The following SLC12A8 variants were observed in gnomAD, a reference collection of about 807,000 sequenced individuals.
SLC12A8 encodes cation-chloride cotransporter 9.
In SLC12A8, 69 loss-of-function variants were observed where a neutral mutation model predicts 75.6. The ratio of observed to expected loss-of-function variants is 0.91; its 90% confidence interval spans 0.75 to 1.11. SLC12A8 has a LOEUF of 1.11. Ranked by LOEUF, SLC12A8 falls within the 50% of genes most tolerant of loss-of-function variation. SLC12A8 has a pLI of 0.00. For missense variants in SLC12A8, 877 were observed against 896.7 expected (o/e 0.98, Z 0.28); for synonymous variants, 365 against 372.8 (o/e 0.98, Z 0.24).
chr3:125,197,555 G>T (rs1935030969), intron 2 of SLC12A8, among the ~76,000 whole-genome samples: 1 of 152,184 alleles, frequency 6.6e-6, no homozygotes, highest in Admixed American at 6.5e-5. Context: ...GCCCTGCAGA[G>T]TGCTGGGATT....
intron 2 of SLC12A8, among the ~76,000 whole-genome samples, chr3:125,197,085 A>G (rs917118649): frequency 6.6e-6 from 1 of 152,200 alleles, no homozygotes; most frequent in Admixed American, 6.5e-5. Flanking sequence ...AACGTACAAA[A>G]TGAGTCTGGA....
In SLC12A8 at chr3:125,120,703, TG is replaced by T. The variant is rs772462458; in HGVS notation, c.737-18del. 2 of 1,602,030 alleles carry T rather than the reference TG, an allele frequency of 1.2e-6. No individual in the cohort carries two copies. Among genetic ancestry groups the T allele is most frequent in the Non-Finnish European group, 1.7e-6 (2 of 1,170,032 alleles). On this transcript the variant is annotated intron_variant, in intron 6 of 13. Transcript: ENST00000469902. ...CCATGACTCCTGAAAGACACCCAGATGGGGAATGGGGTGAGCAGCCTCCTCC... is the reference window on the plus strand; with the variant it reads ...CCATGACTCCTGAAAGACACCCAGATGGGAATGGGGTGAGCAGCCTCCTCC...
At chr3:125,156,393 T>C (rs2107775055) in intron 5 of SLC12A8, among the ~76,000 whole-genome samples, 1 of 152,330 alleles carries the variant, frequency 6.6e-6, no homozygotes, top group South Asian at 2.1e-4. Context: ...GGTCTATGTG[T>C]GCACCCACTC....
intron 5 of SLC12A8, among the ~76,000 whole-genome samples, chr3:125,165,959 A>C (rs1171619516): frequency 6.6e-6 from 1 of 152,128 alleles, no homozygotes; most frequent in African/African-American, 2.4e-5. Context: ...GTATGTTTGG[A>C]ATTTTGTCAG....
chr3:125,185,038 T>C (rs1934743153), intron 4 of SLC12A8, among the ~76,000 whole-genome samples: 1 of 109,422 alleles, frequency 9.1e-6, no homozygotes, highest in East Asian at 2.2e-4. Flanking sequence ...GACAAATTCA[T>C]GGCCGAGCAC....
At chr3:125,102,354 G>A (rs1293143166) in intron 10 of SLC12A8, among the ~76,000 whole-genome samples, 2 of 152,208 alleles carry the variant, frequency 1.3e-5, no homozygotes, top group Non-Finnish European at 2.9e-5. Flanking sequence ...TGCATGGGTT[G>A]TCATGAGAAG....
intron 5 of SLC12A8, among the ~76,000 whole-genome samples, chr3:125,164,531 AT>A (rs1358306344): frequency 6.6e-6 from 1 of 152,214 alleles, no homozygotes; most frequent in African/African-American, 2.4e-5. Flanking sequence ...CGAGTGGGAA[AT>A]GCAGGAGGAA....
chr3:125,187,099 TTCAGAGCCCCAACCTGCTCGTC>T lies in SLC12A8; in HGVS notation c.390+116_390+137del, dbSNP rs552493936. 9.2e-3 allele frequency: 7,580 copies of T among 822,418 alleles called. 44 individuals are homozygous for T. The highest frequency in any genetic ancestry group is 0.012 in the Non-Finnish European group (6,463 of 518,198). The allele number at this position is 822,418 out of a possible 1,614,324, so 50.9% of individuals were successfully genotyped here. A position where few individuals can be genotyped will look rare whatever the true frequency, so the allele number is the denominator to read the frequency against. On this transcript the variant is annotated intron_variant, in intron 4 of 13. Coordinates refer to ENST00000469902, the MANE Select transcript of SLC12A8 (RefSeq NM_024628.6). ...TGACTTGACTCTCTGCTGAATTCCC[TTCAGAGCCCCAACCTGCTCGTC>T]TGTCACATGCGGCAATTGTCCCCAC...
At position 125,083,736 on chromosome 3, in the gene SLC12A8, A is replaced by T; in HGVS notation, c.*154T>A. 4 of 744,690 alleles carry T rather than the reference A, an allele frequency of 5.4e-6. No individual in the cohort carries two copies. Among genetic ancestry groups the T allele is most frequent in the Non-Finnish European group, 8.2e-6 (4 of 490,642 alleles). 46.1% of individuals were successfully genotyped at this position (744,690 alleles called of 1,614,324 possible). A position where few individuals can be genotyped will look rare whatever the true frequency, so the allele number is the denominator to read the frequency against. On this transcript the variant is annotated 3_prime_UTR_variant, in exon 14 of 14. Transcript: ENST00000469902. ...GACTCTGTCTCAAAAAAAAAAAAAAAGGGAAAAGAAAATGTAGATTTCCAT... is the reference window on the plus strand; with the variant it reads ...GACTCTGTCTCAAAAAAAAAAAAAATGGGAAAAGAAAATGTAGATTTCCAT...
At chr3:125,178,681 C>T (rs982118929) in intron 4 of SLC12A8, among the ~76,000 whole-genome samples, 3 of 152,168 alleles carry the variant, frequency 2.0e-5, no homozygotes, top group African/African-American at 7.2e-5. Flanking sequence ...TCCTGTAAGA[C>T]ATTAACTGAT....
chr3:125,182,508 ATT>A (rs767466114), intron 4 of SLC12A8, among the ~76,000 whole-genome samples: 21 of 139,900 alleles, frequency 1.5e-4, no homozygotes, highest in Non-Finnish European at 1.3e-4. Flanking sequence ...ATTTGTCCCC[ATT>A]TTTTTTTTTT....
chr3:125,188,650 A>G (rs1204394672), intron 3 of SLC12A8, among the ~76,000 whole-genome samples: 1 of 152,104 alleles, frequency 6.6e-6, no homozygotes, highest in East Asian at 1.9e-4. Flanking sequence ...AGCAAGGAAG[A>G]CTCCTGATAG....
At chr3:125,194,982 G>A (rs1323624029) in intron 2 of SLC12A8, among the ~76,000 whole-genome samples, 1 of 152,240 alleles carries the variant, frequency 6.6e-6, no homozygotes, top group Non-Finnish European at 1.5e-5. Context: ...GCTGGGCCGG[G>A]CGCCAGCATG....
At chr3:125,194,509 T>TG (rs1218729201) in intron 2 of SLC12A8, among the ~76,000 whole-genome samples, 1 of 152,192 alleles carries the variant, frequency 6.6e-6, no homozygotes, top group Non-Finnish European at 1.5e-5. Context: ...CTCTCAATCC[T>TG]GCATCCAGCA....
At position 125,137,123 on chromosome 3, in the gene SLC12A8, C is replaced by G. The variant is rs927089821; in HGVS notation, c.623-1341G>C. ...CCACCCGCTCGGAGCTTAATTACAG[C>G]CCAAGCTTCCATCCACAAAAGAAGG... On this transcript the variant is annotated intron_variant, in intron 5 of 13. Transcript: ENST00000469902. 2.0e-5 allele frequency among the ~76,000 whole-genome samples: 3 copies of G among 152,182 alleles called. No individual in the cohort carries two copies. The East Asian group carries it at 5.8e-4, about 29-fold the overall frequency.
chr3:125,178,441 CA>C (rs984027019), intron 4 of SLC12A8, among the ~76,000 whole-genome samples: 41 of 146,892 alleles, frequency 2.8e-4, no homozygotes, highest in African/African-American at 8.5e-4. Flanking sequence ...TAAAACTTAG[CA>C]AAAAAAAAAG....
chr3:125,192,061 G>C (rs1934918846), intron 2 of SLC12A8, among the ~76,000 whole-genome samples: 2 of 152,108 alleles, frequency 1.3e-5, no homozygotes, highest in South Asian at 4.1e-4. Context: ...TGTTTCCCAG[G>C]ATCCTCATCT....
chr3:125,176,072 AACATTTTTCT>A (rs63165861), intron 5 of SLC12A8, among the ~76,000 whole-genome samples: 33,361 of 152,030 alleles, frequency 0.22, 4,772 homozygotes, highest in East Asian at 0.5. Flanking sequence ...TCCCACAACC[AACATTTTTCT>A]AAAAGGCAGG....
chr3:125,181,746 TAAC>T (rs1447003793), intron 4 of SLC12A8, among the ~76,000 whole-genome samples: 2 of 130,924 alleles, frequency 1.5e-5, no homozygotes, highest in East Asian at 2.4e-4. Context: ...GAAGAAAAAA[TAAC>T]AAAAGAAAAA....
Sources: allele counts gnomAD v4.1 joint callset (sites outside exome capture counted in the v4.1 genomes callset), GRCh38; gene constraint gnomAD v4.1.1; transcripts MANE v1.5; gene names NCBI Gene and HGNC (gene_info 2026-07-23, HGNC 2026-07-21).